Variants in DLG2 observed in about 807,000 individuals in gnomAD.
DLG2 encodes the protein discs large MAGUK scaffold protein 2.
DLG2 carries 45 observed loss-of-function variants against 132.5 expected under a neutral mutation model. The ratio of observed to expected loss-of-function variants is 0.34; its 90% CI spans 0.27 to 0.44. DLG2 has a LOEUF of 0.44. Ranked by LOEUF, DLG2 falls within the 20% of genes least tolerant of loss-of-function variation. DLG2 has a pLI of 1.00. For missense variants in DLG2, 1,045 were observed against 1,196.9 expected, an observed-to-expected ratio of 0.87 and a Z score of 1.87; for synonymous variants, 424 against 419.6, an observed-to-expected ratio of 1.01 and a Z score of -0.13.
At chr11:84,260,606 CA>C (rs1706323604) in intron 7 of DLG2, among the ~76,000 whole-genome samples, 1 of 152,092 alleles carries the variant, frequency 6.6e-6, no homozygotes, top group Non-Finnish European at 1.5e-5. Context: ...GTGTGCCAAG[CA>C]AATATGGTAA....
chr11:85,537,315 C>A (rs1293573378), intron 3 of DLG2, among the ~76,000 whole-genome samples: 1 of 152,216 alleles, frequency 6.6e-6, no homozygotes, highest in Non-Finnish European at 1.5e-5. Context: ...GCAGGGGCAA[C>A]TGGCTCAGGT....
chr11:85,207,944 C>T (rs2082011235), intron 4 of DLG2, among the ~76,000 whole-genome samples: 1 of 151,876 alleles, frequency 6.6e-6, no homozygotes. Context: ...AAAGTAACCT[C>T]CTCCAAGAAG....
At chr11:83,821,458 A>G (rs1363627419) in intron 17 of DLG2, among the ~76,000 whole-genome samples, 1 of 152,184 alleles carries the variant, frequency 6.6e-6, no homozygotes, top group Non-Finnish European at 1.5e-5. Flanking sequence ...TGTCAGCGTG[A>G]GAAGAATAAG....
chr11:85,626,496 C>T (rs2082038105), intron 2 of DLG2, 91 bp downstream of exon 2: 1 of 152,070 alleles, frequency 6.6e-6, no homozygotes, highest in Non-Finnish European at 1.5e-5. Context: ...AATATTTCCC[C>T]CAAACTGAAG....
At chr11:84,902,065 A>G (rs1590944390) in intron 6 of DLG2, among the ~76,000 whole-genome samples, 1 of 152,170 alleles carries the variant, frequency 6.6e-6, no homozygotes, top group Non-Finnish European at 1.5e-5. Flanking sequence ...AACTATGTAC[A>G]AATGTTAAGC....
At chr11:85,625,105 A>G (rs541643493) in intron 2 of DLG2, 1 of 151,494 alleles carries the variant, frequency 6.6e-6, no homozygotes, top group East Asian at 1.9e-4. Context: ...CTTCCCACAT[A>G]CCTTTTTATC....
intron 3 of DLG2, among the ~76,000 whole-genome samples, chr11:85,402,877 C>T (rs958846156): frequency 5.3e-5 from 8 of 152,064 alleles, no homozygotes; most frequent in African/African-American, 1.7e-4. Context: ...AATAGGAATG[C>T]TTTTACACTG....
intron 6 of DLG2, among the ~76,000 whole-genome samples, chr11:85,008,942 A>T (rs905696743): frequency 6.6e-6 from 1 of 152,122 alleles, no homozygotes; most frequent in Non-Finnish European, 1.5e-5. Flanking sequence ...TGGAGCAGAG[A>T]TTTGAGTTTG....
At chr11:85,143,023 T>C (rs2076598784) in intron 5 of DLG2, among the ~76,000 whole-genome samples, 1 of 151,836 alleles carries the variant, frequency 6.6e-6, no homozygotes, top group African/African-American at 2.4e-5. Context: ...TCTTTTTTGA[T>C]GTGTCTTTCT....
intron 7 of DLG2, among the ~76,000 whole-genome samples, chr11:84,397,493 C>T (rs61897675): frequency 0.059 from 8,963 of 152,234 alleles, 297 homozygotes; most frequent in African/African-American, 0.084. Context: ...GTAGAGATGA[C>T]GCGGGCCATG....
intron 17 of DLG2, among the ~76,000 whole-genome samples, chr11:83,797,050 G>A (rs1010473337): frequency 6.6e-5 from 10 of 152,118 alleles, no homozygotes; most frequent in Non-Finnish European, 1.0e-4. Flanking sequence ...TTCTCACAGA[G>A]GGGGAGATTG....
chr11:83,912,728 G>T (rs181025570), intron 15 of DLG2, among the ~76,000 whole-genome samples: 4 of 152,218 alleles, frequency 2.6e-5, no homozygotes, highest in Admixed American at 2.6e-4. Flanking sequence ...ACTGATATTT[G>T]TATGTGTACA....
At chr11:84,350,625 T>C (rs2154411772) in intron 7 of DLG2, among the ~76,000 whole-genome samples, 1 of 152,348 alleles carries the variant, frequency 6.6e-6, no homozygotes, top group East Asian at 1.9e-4. Flanking sequence ...ATTTAGCATA[T>C]AGTTATACAG....
intron 6 of DLG2, among the ~76,000 whole-genome samples, chr11:85,030,428 T>TTA (rs2060908672): frequency 6.6e-6 from 1 of 152,210 alleles, no homozygotes; most frequent in Admixed American, 6.5e-5. Flanking sequence ...TTCTACTGTT[T>TTA]TATTAAAAAG....
intron 3 of DLG2, among the ~76,000 whole-genome samples, chr11:85,594,413 GT>G (rs1245832222): frequency 1.3e-5 from 2 of 152,056 alleles, no homozygotes; most frequent in African/African-American, 4.8e-5. Flanking sequence ...CACTGGTAGA[GT>G]TTTTTTAAAG....
intron 6 of DLG2, among the ~76,000 whole-genome samples, chr11:85,056,535 G>A (rs1048475799): frequency 2.0e-5 from 3 of 151,984 alleles, no homozygotes; most frequent in African/African-American, 7.2e-5. Context: ...AACGAAGTGT[G>A]TGTCAATGGA....
intron 7 of DLG2, among the ~76,000 whole-genome samples, chr11:84,402,958 T>G (rs2098835843): frequency 6.6e-6 from 1 of 150,758 alleles, no homozygotes; most frequent in Non-Finnish European, 1.5e-5. Flanking sequence ...AAGCTTTATA[T>G]AACAGAAAAG....
chr11:84,153,096 A>G (rs971706980), intron 9 of DLG2, among the ~76,000 whole-genome samples: 1 of 152,172 alleles, frequency 6.6e-6, no homozygotes, highest in African/African-American at 2.4e-5. Flanking sequence ...TTTGTGTATG[A>G]AACTTAGTTT....
chr11:83,719,183 CA>C (rs761983923), intron 18 of DLG2, among the ~76,000 whole-genome samples: 4 of 152,184 alleles, frequency 2.6e-5, no homozygotes, highest in Non-Finnish European at 5.9e-5. Context: ...TAGGTGTATG[CA>C]TATGGCACTT....
Sources: allele counts gnomAD v4.1 joint callset (sites outside exome capture counted in the v4.1 genomes callset), GRCh38; gene constraint gnomAD v4.1.1; transcripts MANE v1.5; gene names NCBI Gene and HGNC (gene_info 2026-07-23, HGNC 2026-07-21).